The following MYOCD variants were observed in gnomAD, a reference collection of about 807,000 sequenced individuals.
MYOCD encodes myocardin.
Under a neutral mutation model 96.1 loss-of-function variants are expected in MYOCD, and 32 were observed. The ratio of observed to expected loss-of-function variants is 0.33; its 90% confidence interval spans 0.25 to 0.45. MYOCD has a LOEUF of 0.45. Among genes scored for constraint, MYOCD ranks in the 20% least tolerant of loss-of-function variants. The probability of loss-of-function intolerance (pLI) is 1.00; values close to 1 mark genes in which losing one functional copy is unlikely to be tolerated. For missense variants in MYOCD, 1,133 were observed against 1,200.6 expected (o/e 0.94, Z 0.83); for synonymous variants, 469 against 469.0 (o/e 1.00, Z 0.00).
rs553893165 is a variant in MYOCD, at chr17:12,752,973, C to A, written c.1685C>A (p.Pro562Gln). The A allele has an allele frequency of 3.7e-6, 6 of 1,614,136 alleles. No homozygotes were observed. In the Admixed American group the frequency reaches 1.0e-4, roughly 27 times the overall value. The change falls in exon 10 of 14, where the codon CCG becomes CAG. Residue 562 changes from proline to glutamine, a missense_variant. Physicochemically the swap from Pro to Gln is moderately conservative, Grantham distance 76 (BLOSUM62 -1). Coordinates refer to ENST00000425538, the MANE Select transcript of MYOCD (RefSeq NM_001146312.3). ...AGGAATAACTGTTCAGAGAAGAAGCCGCTGCCTTTCCTGGCTGCCTCCATC... is the reference window on the plus strand; with the variant it reads ...AGGAATAACTGTTCAGAGAAGAAGCAGCTGCCTTTCCTGGCTGCCTCCATC... ...QKRNNCSEKK[P>Q]LPFLAASIKQ...
intron 5 of MYOCD, among the ~76,000 whole-genome samples, chr17:12,727,537 G>A (rs780831067): frequency 1.3e-5 from 2 of 152,062 alleles, no homozygotes; most frequent in African/African-American, 2.4e-5. Flanking sequence ...CCAGCCTCTG[G>A]GTATTTTCCC....
intron 5 of MYOCD, among the ~76,000 whole-genome samples, chr17:12,734,425 G>T (rs1984481): frequency 7.3e-5 from 11 of 150,424 alleles, no homozygotes; most frequent in African/African-American, 2.0e-4. Flanking sequence ...TTCTAGAGTG[G>T]GGAACACTTA....
rs139859815 is a variant in MYOCD, at chr17:12,742,375, A to G, written c.718-1808A>G. Among the ~76,000 whole-genome samples the G allele has an allele frequency of 7.6e-3, 1,162 of 152,186 alleles. 38 individuals are homozygous for G. Among genetic ancestry groups the G allele is most frequent in the Admixed American group, 0.07 (1,064 of 15,278 alleles). On this transcript the variant is annotated intron_variant, in intron 7 of 13. Transcript: ENST00000425538. ...TGTAAGCTCCTTTGGATAAGGTCAC[A>G]TTCAGATGTGTAGTTTGTGGTTGAA...
In MYOCD at chr17:12,717,422, G is replaced by T; in HGVS notation, c.253+1G>T. 6.2e-7 allele frequency: 1 copy of T among 1,612,594 alleles called. No individual in the cohort carries two copies. The highest frequency in any genetic ancestry group is 8.5e-7 in the Non-Finnish European group (1 of 1,178,996). ...TTGGTTAATATGCACATACTCCAAGGTAAGGCTGCAAGAAATCAGACACCA... is the reference window on the plus strand; with the variant it reads ...TTGGTTAATATGCACATACTCCAAGTTAAGGCTGCAAGAAATCAGACACCA... On this transcript the variant is annotated splice_donor_variant, in intron 4 of 13. Coordinates refer to ENST00000425538, the MANE Select transcript of MYOCD (RefSeq NM_001146312.3). LOFTEE classifies it high-confidence loss of function.
chr17:12,715,806 A>G (rs1055239480), intron 3 of MYOCD, among the ~76,000 whole-genome samples: 2 of 152,120 alleles, frequency 1.3e-5, no homozygotes, highest in African/African-American at 4.8e-5. Context: ...AATGTCCCCA[A>G]TTTTTCTAAT....
chr17:12,723,394 A>G (rs1480871584), intron 5 of MYOCD, among the ~76,000 whole-genome samples: 1 of 152,168 alleles, frequency 6.6e-6, no homozygotes, highest in East Asian at 1.9e-4. Flanking sequence ...CCAGACTAGA[A>G]AACCCGGACC....
chr17:12,721,565 A>G (rs1291023006), intron 4 of MYOCD, among the ~76,000 whole-genome samples: 2 of 152,178 alleles, frequency 1.3e-5, no homozygotes, highest in Non-Finnish European at 2.9e-5. Context: ...GCAGCAAGAC[A>G]TAGAGGACAG....
At chr17:12,702,626 C>T (rs1320111024) in intron 1 of MYOCD, among the ~76,000 whole-genome samples, 8 of 151,678 alleles carry the variant, frequency 5.3e-5, no homozygotes, top group Admixed American at 5.3e-4. Flanking sequence ...TCCTATATTC[C>T]CCCTCTCTTG....
chr17:12,704,921 G>A (rs1286259949), intron 1 of MYOCD: 17 of 539,104 alleles, frequency 3.2e-5, no homozygotes, highest in Non-Finnish European at 5.0e-5. Context: ...ATTCTAGTTT[G>A]GGACAGACTT....
chr17:12,713,767 A>C (rs1388004168), intron 2 of MYOCD, among the ~76,000 whole-genome samples: 2 of 152,168 alleles, frequency 1.3e-5, no homozygotes, highest in Non-Finnish European at 2.9e-5. Context: ...CAAACACAGG[A>C]AAAGGCAAGC....
At chr17:12,669,621 G>A (rs1222978488) in intron 1 of MYOCD, among the ~76,000 whole-genome samples, 1 of 151,716 alleles carries the variant, frequency 6.6e-6, no homozygotes, top group East Asian at 1.9e-4. Flanking sequence ...AGTGTTTTTT[G>A]TTGTTTTTTT....
intron 3 of MYOCD, among the ~76,000 whole-genome samples, chr17:12,716,524 C>G (rs1200038210): frequency 6.6e-6 from 1 of 152,166 alleles, no homozygotes; most frequent in Non-Finnish European, 1.5e-5. Context: ...TCTTCATGCC[C>G]ATCCAGTTCC....
chr17:12,754,547 G>C (rs1381964840), intron 10 of MYOCD, among the ~76,000 whole-genome samples: 2 of 152,244 alleles, frequency 1.3e-5, no homozygotes, highest in African/African-American at 4.8e-5. Context: ...GTTGGAACTT[G>C]TAGGGACTGT....
chr17:12,712,141 G>A lies in MYOCD; in HGVS notation c.122-3378G>A, dbSNP rs184223726. On this transcript the variant is annotated intron_variant, in intron 2 of 13. Transcript: ENST00000425538. ...CTCCCAAAGTGCTGAGATTACAGGT[G>A]TGAGCCACCACACCCGGCCAAGAAT... 1.3e-4 allele frequency among the ~76,000 whole-genome samples: 20 copies of A among 152,156 alleles called. No individual in the cohort carries two copies. In the South Asian group the frequency reaches 3.7e-3, roughly 28 times the overall value.
At chr17:12,750,698 C>A (rs1343333043) in intron 9 of MYOCD, among the ~76,000 whole-genome samples, 2 of 151,808 alleles carry the variant, frequency 1.3e-5, no homozygotes, top group East Asian at 1.9e-4. Context: ...CAAAAAAAAA[C>A]TAATTTAATT....
intron 8 of MYOCD, 105 bp from the exon 9 acceptor site, chr17:12,745,814 T>C: frequency 8.3e-7 from 1 of 1,208,750 alleles, no homozygotes; most frequent in Non-Finnish European, 1.2e-6. Flanking sequence ...GCTGGTTTAT[T>C]ACATGCCTGA....
intron 1 of MYOCD, among the ~76,000 whole-genome samples, chr17:12,700,597 G>A (rs1370280050): frequency 6.6e-6 from 1 of 150,508 alleles, no homozygotes; most frequent in Non-Finnish European, 1.5e-5. Context: ...TGTATTTTTA[G>A]TAGAGACGGG....
In MYOCD at chr17:12,758,224, G is replaced by T. The variant is rs1266258117; in HGVS notation, c.2331+11G>T. 2 of 1,614,030 alleles carry T rather than the reference G, an allele frequency of 1.2e-6. No individual in the cohort carries two copies. Among genetic ancestry groups the T allele is most frequent in the Non-Finnish European group, 8.5e-7 (1 of 1,179,958 alleles). On this transcript the variant is annotated intron_variant, in intron 12 of 13. Coordinates refer to ENST00000425538, the MANE Select transcript of MYOCD (RefSeq NM_001146312.3). The stretch of plus-strand genomic sequence containing the variant: ...GATGCCGTAAAGCAGGTAACCATGT[G>T]ATTTGTTCTTTATGGAAGAATAGAC...
At chr17:12,753,915 C>T (rs369970096) in intron 10 of MYOCD, among the ~76,000 whole-genome samples, 19 of 152,202 alleles carry the variant, frequency 1.2e-4, no homozygotes, top group African/African-American at 4.3e-4. Flanking sequence ...GCCCCGTTCT[C>T]ATCTCTGGGA....
Sources: allele counts gnomAD v4.1 joint callset (sites outside exome capture counted in the v4.1 genomes callset), GRCh38; gene constraint gnomAD v4.1.1; transcripts MANE v1.5; gene names NCBI Gene and HGNC (gene_info 2026-07-23, HGNC 2026-07-21).